Variants in OLFML1 observed in about 807,000 individuals in gnomAD.
OLFML1 encodes the protein olfactomedin like 1.
OLFML1 carries 33 observed loss-of-function variants against 37.3 expected under a neutral mutation model. The ratio of observed to expected loss-of-function variants is 0.88; its 90% CI spans 0.67 to 1.18. The LOEUF is 1.18. Ranked by LOEUF, OLFML1 falls within the 50% of genes most tolerant of loss-of-function variation. The pLI is 0.00. For missense variants in OLFML1, 545 were observed against 483.7 expected, an observed-to-expected ratio of 1.13 and a Z score of -1.19; for synonymous variants, 186 against 181.3, an observed-to-expected ratio of 1.03 and a Z score of -0.21.
intron 2 of OLFML1, among the ~76,000 whole-genome samples, chr11:7,497,612 T>G (rs1354442035): frequency 6.6e-6 from 1 of 152,164 alleles, no homozygotes; most frequent in Non-Finnish European, 1.5e-5. Flanking sequence ...GTTCTCAACT[T>G]GATGTCTTTG....
At chr11:7,499,798 A>G (rs1270459081) in intron 2 of OLFML1, among the ~76,000 whole-genome samples, 2 of 152,240 alleles carry the variant, frequency 1.3e-5, no homozygotes, top group Non-Finnish European at 2.9e-5. Flanking sequence ...TGCATTAGAA[A>G]AGAAGAGTAG....
At chr11:7,503,852 T>C (rs1848751275) in intron 2 of OLFML1, among the ~76,000 whole-genome samples, 1 of 152,074 alleles carries the variant, frequency 6.6e-6, no homozygotes, top group Non-Finnish European at 1.5e-5. Context: ...GTTGATGGAT[T>C]TGGTTGTTGA....
intron 2 of OLFML1, among the ~76,000 whole-genome samples, chr11:7,504,419 T>C (rs1163581992): frequency 6.6e-6 from 1 of 152,056 alleles, no homozygotes; most frequent in African/African-American, 2.4e-5. Flanking sequence ...CATTTCACTC[T>C]GAGTGAAATG....
intron 1 of OLFML1, among the ~76,000 whole-genome samples, chr11:7,486,940 G>A (rs1344489231): frequency 6.6e-6 from 1 of 152,238 alleles, no homozygotes; most frequent in East Asian, 1.9e-4. Context: ...AGTGGATGAA[G>A]TGTTCCCAGA....
intron 2 of OLFML1, among the ~76,000 whole-genome samples, chr11:7,505,479 T>G (rs1206359189): frequency 1.3e-5 from 2 of 152,192 alleles, no homozygotes; most frequent in Non-Finnish European, 2.9e-5. Context: ...CACCACTCCC[T>G]GCTTCCATGA....
intron 2 of OLFML1, among the ~76,000 whole-genome samples, chr11:7,492,236 G>C (rs1176310024): frequency 6.6e-6 from 1 of 152,146 alleles, no homozygotes; most frequent in Non-Finnish European, 1.5e-5. Flanking sequence ...TGATCTTCCT[G>C]TCTTCCAACC....
intron 2 of OLFML1, among the ~76,000 whole-genome samples, chr11:7,490,806 C>G (rs1350883066): frequency 6.6e-6 from 1 of 152,174 alleles, no homozygotes; most frequent in Non-Finnish European, 1.5e-5. Context: ...CTGAGTAGGA[C>G]ATGTCTGCAT....
At chr11:7,502,334 G>T (rs1018606584) in intron 2 of OLFML1, among the ~76,000 whole-genome samples, 3 of 152,220 alleles carry the variant, frequency 2.0e-5, no homozygotes, top group South Asian at 2.1e-4. Context: ...TAGGCCAAGG[G>T]TTTAGGATTT....
At chr11:7,488,039 A>C (rs1426069863) in intron 1 of OLFML1, 88 bp from the exon 2 acceptor site, 1 of 944,358 alleles carries the variant, frequency 1.1e-6, no homozygotes, top group Non-Finnish European at 1.6e-6. Flanking sequence ...GTAATTTTCT[A>C]ATCCTTTTCT....
rs1487399406 is a variant in OLFML1, at chr11:7,509,447, G to A, written c.468G>A (p.Lys156=). The A allele has an allele frequency of 2.5e-6, 4 of 1,613,912 alleles. No individual in the cohort carries two copies. In the South Asian group the frequency reaches 4.4e-5, roughly 18 times the overall value. The change falls in exon 3 of 3, where the codon AAG becomes AAA. Residue 156 remains lysine, a synonymous_variant. Coordinates refer to ENST00000329293, the MANE Select transcript of OLFML1 (RefSeq NM_198474.4). The part of the protein sequence containing the change: ...MGIKSLKIVK[K]MMDTHGSWMK... ...TAAAGTCTTTGAAAATAGTGAAGAA[G>A]ATGATGGACACACATGGCTCTTGGA...
chr11:7,486,916 T>C (rs1848530331), intron 1 of OLFML1, among the ~76,000 whole-genome samples: 1 of 152,200 alleles, frequency 6.6e-6, no homozygotes, highest in African/African-American at 2.4e-5. Flanking sequence ...GCCAACAGGC[T>C]GGGGCCTGGA....
At chr11:7,489,574 T>G (rs964829367) in intron 2 of OLFML1, among the ~76,000 whole-genome samples, 1 of 151,724 alleles carries the variant, frequency 6.6e-6, no homozygotes, top group Non-Finnish European at 1.5e-5. Flanking sequence ...AACAAGGGCA[T>G]GATACGAAGG....
At chr11:7,498,507 G>A (rs887763453) in intron 2 of OLFML1, among the ~76,000 whole-genome samples, 1 of 152,156 alleles carries the variant, frequency 6.6e-6, no homozygotes, top group Non-Finnish European at 1.5e-5. Context: ...TTTAGAATAA[G>A]TCCATGCTGA....
At chr11:7,503,096 C>T (rs1429599522) in intron 2 of OLFML1, among the ~76,000 whole-genome samples, 2 of 152,154 alleles carry the variant, frequency 1.3e-5, no homozygotes, top group African/African-American at 4.8e-5. Context: ...AGTTTGAAGA[C>T]ATCCAAGTAG....
chr11:7,506,235 A>G (rs1201432811), intron 2 of OLFML1, among the ~76,000 whole-genome samples: 1 of 152,214 alleles, frequency 6.6e-6, no homozygotes, highest in African/African-American at 2.4e-5. Flanking sequence ...CTAGTAACAA[A>G]GGAGAAATTA....
In OLFML1 at chr11:7,509,575, A is replaced by G. The variant is rs1848829195; in HGVS notation, c.596A>G (p.Asn199Ser). Residue 199 changes from asparagine to serine, a missense_variant, in exon 3 of 3, where the codon AAC (asparagine) becomes AGC (serine). By Grantham distance (46) the Asn-to-Ser change is conservative. Coordinates refer to ENST00000329293, the MANE Select transcript of OLFML1 (RefSeq NM_198474.4). ...AACATACGGGCATTCATGGAGGATA[A>G]CACCAAGCCAGCTCCCCGGAAGCAA... is the stretch of plus-strand genomic sequence containing the variant. The part of the protein sequence containing the change: ...FANIRAFMED[N>S]TKPAPRKQIL... The G allele has an allele frequency of 6.2e-7, 1 of 1,614,114 alleles. No homozygotes were observed.
chr11:7,492,056 C>A, intron 2 of OLFML1, among the ~76,000 whole-genome samples: 1 of 152,214 alleles, frequency 6.6e-6, no homozygotes, highest in East Asian at 1.9e-4. Flanking sequence ...TCCTGTCATA[C>A]ACTCACAGGT....
intron 2 of OLFML1, among the ~76,000 whole-genome samples, chr11:7,505,662 A>G (rs1479433836): frequency 6.6e-6 from 1 of 152,174 alleles, no homozygotes; most frequent in African/African-American, 2.4e-5. Flanking sequence ...AGACCTCATC[A>G]TTGCAAAAAA....
At chr11:7,506,418 G>C (rs1202819201) in intron 2 of OLFML1, among the ~76,000 whole-genome samples, 1 of 152,170 alleles carries the variant, frequency 6.6e-6, no homozygotes, top group Admixed American at 6.5e-5. Context: ...TTATAAGTGA[G>C]GAGAGGAAGT....
Sources: allele counts gnomAD v4.1 joint callset (sites outside exome capture counted in the v4.1 genomes callset), GRCh38; gene constraint gnomAD v4.1.1; transcripts MANE v1.5; gene names NCBI Gene and HGNC (gene_info 2026-07-23, HGNC 2026-07-21).